The following WIZ variants were observed in gnomAD, a reference collection of about 807,000 sequenced individuals.
WIZ encodes the protein WIZ zinc finger.
WIZ carries 25 observed loss-of-function variants against 140.2 expected under a neutral mutation model. The ratio of observed to expected loss-of-function variants is 0.18; its 90% confidence interval spans 0.13 to 0.25. The LOEUF is 0.25. Among genes scored for constraint, WIZ ranks in the 10% least tolerant of loss-of-function variants. The pLI is 1.00. For missense variants in WIZ, 2,231 were observed against 2,632.6 expected (o/e 0.85, Z 3.34); for synonymous variants, 1,125 against 1,154.3 (o/e 0.97, Z 0.51).
rs1968999494 is a variant in WIZ, at chr19:15,428,435, C to G, written c.3489G>C (p.Leu1163=). The part of the protein sequence containing the change: ...CGAWFETRKG[L]SSHARAHLRH... ...GCAGGTGGGCACGGGCGTGGCTAGA[C>G]AGGCCCTTGCGGGTCTCAAACCAGG... The change falls in exon 8 of 13, where the codon CTG becomes CTC. Residue 1163 remains leucine (L), a synonymous_variant. Transcript: ENST00000673675. This position sits in a 1 kb window ranked among gnomAD's most constrained non-coding sequence, Gnocchi z 6.4. 6.5e-7 allele frequency: 1 copy of G among 1,535,554 alleles called. No individual in the cohort carries two copies. The highest frequency in any genetic ancestry group is 8.7e-7 in the Non-Finnish European group (1 of 1,146,836).
chr19:15,446,368 A>G (rs911876844), intron 2 of WIZ, among the ~76,000 whole-genome samples: 1 of 151,806 alleles, frequency 6.6e-6, no homozygotes, highest in African/African-American at 2.4e-5. Flanking sequence ...CTCCCACAAA[A>G]TCAAAGTCCC....
chr19:15,440,386 A>C lies in WIZ; in HGVS notation c.608T>G (p.Leu203Trp). 6.5e-7 allele frequency: 1 copy of C among 1,533,192 alleles called. No individual in the cohort carries two copies. Among genetic ancestry groups the C allele is most frequent in the South Asian group, 1.2e-5 (1 of 84,000 alleles). The allele number at this position is 1,533,192 out of a possible 1,614,324, so 95.0% of individuals were successfully genotyped here. ...QGSPQDAGLH[L>W]DLPAQPPPLA... ...GGGTGGCGGCTGGGCAGGCAGGTCCAAGTGCAGCCCTGCGTCCTGGGGGGA... is the reference window on the plus strand; with the variant it reads ...GGGTGGCGGCTGGGCAGGCAGGTCCCAGTGCAGCCCTGCGTCCTGGGGGGA... Residue 203 changes from leucine to tryptophan, a missense_variant, in exon 4 of 13, where the codon TTG (leucine) becomes TGG (tryptophan). Leu to Trp is a moderately conservative substitution (Grantham distance 61). This residue lies in a region of WIZ where 307 missense variants were observed against 294.1 expected (regional missense o/e 1.04). Transcript: ENST00000673675. This position sits in a 1 kb window ranked among gnomAD's most constrained non-coding sequence, Gnocchi z 6.2.
At position 15,424,582 on chromosome 19, in the gene WIZ, C is replaced by T. The variant is rs577854021; in HGVS notation, c.5314+31G>A. ...GGGTGGGCCTGACAGGTGCCCGCTG[C>T]GCTCCCGACCCTCCTCCACCAAGCA... On this transcript the variant is annotated intron_variant, in intron 11 of 12. Transcript: ENST00000673675. This position sits in a 1 kb window ranked among gnomAD's most constrained non-coding sequence, Gnocchi z 9.7. 1.2e-5 allele frequency: 19 copies of T among 1,561,334 alleles called. No individual in the cohort carries two copies. The highest frequency in any genetic ancestry group is 1.1e-4 in the African/African-American group (8 of 73,396).
At chr19:15,435,189 G>C (rs1412408484) in intron 5 of WIZ, among the ~76,000 whole-genome samples, 1 of 152,110 alleles carries the variant, frequency 6.6e-6, no homozygotes, top group Non-Finnish European at 1.5e-5. Flanking sequence ...CTGCACTCCA[G>C]CCTGGGCGAC....
In WIZ at chr19:15,431,066, T is replaced by G. The variant is rs1456931660; in HGVS notation, c.2857A>C (p.Lys953Gln). The change falls in exon 6 of 13, where the codon AAA (lysine) becomes CAA (glutamine). Residue 953 changes from lysine (K) to glutamine (Q), a missense_variant. Lys to Gln is a moderately conservative substitution (Grantham distance 53, BLOSUM62 1). This residue lies in a region of WIZ where 137 missense variants were observed against 135.8 expected (regional missense o/e 1.01). Coordinates refer to ENST00000673675, the MANE Select transcript of WIZ (RefSeq NM_001371589.1). ...LEQVASRLSS[K>Q]VAAEVPHGSK... ...CCATGAGGAACCTCTGCAGCCACTTTGCTGCTCAGCCGACTGGCCACCTGC... is the reference window on the plus strand; with the variant it reads ...CCATGAGGAACCTCTGCAGCCACTTGGCTGCTCAGCCGACTGGCCACCTGC... 1.2e-5 allele frequency: 19 copies of G among 1,535,852 alleles called. No individual in the cohort carries two copies. Among genetic ancestry groups the G allele is most frequent in the Non-Finnish European group, 1.7e-5 (19 of 1,146,840 alleles).
chr19:15,423,127 A>T lies in WIZ; in HGVS notation c.5619T>A (p.Pro1873=). The change falls in exon 13 of 13, where the codon CCT becomes CCA. Residue 1873 remains proline, a synonymous_variant. Coordinates refer to ENST00000673675, the MANE Select transcript of WIZ (RefSeq NM_001371589.1). ...EMNFSKADPP[P]EESQAPQAQT... Reference sequence around the variant, plus strand: ...GTGCCTGCGGGGCCTGGGACTCCTCAGGTGGGGGGTCCGCTTTGGAGAAGT... The same window carrying T: ...GTGCCTGCGGGGCCTGGGACTCCTCTGGTGGGGGGTCCGCTTTGGAGAAGT... 1 of 1,612,708 alleles carries T rather than the reference A, an allele frequency of 6.2e-7. No individual in the cohort carries two copies. The highest frequency in any genetic ancestry group is 8.5e-7 in the Non-Finnish European group (1 of 1,179,864).
At chr19:15,431,795 G>T (rs914150487) in intron 5 of WIZ, among the ~76,000 whole-genome samples, 2 of 152,234 alleles carry the variant, frequency 1.3e-5, no homozygotes, top group Non-Finnish European at 2.9e-5. Flanking sequence ...TGGAATCACA[G>T]AACTTTGTGT....
chr19:15,429,443 TG>T, intron 7 of WIZ, 142 bp downstream of exon 7: 2 of 950,424 alleles, frequency 2.1e-6, no homozygotes, highest in Non-Finnish European at 2.8e-6. Context: ...ACCAATACTC[TG>T]GCCTGGCTGG....
At chr19:15,448,947 C>T (rs971732287) in intron 1 of WIZ, among the ~76,000 whole-genome samples, 17 of 152,098 alleles carry the variant, frequency 1.1e-4, no homozygotes, top group African/African-American at 3.6e-4. Flanking sequence ...GCATTAACCC[C>T]TTCACCCCCC....
Position 15,439,611 on chromosome 19 carries a change from A to G in WIZ, c.1383T>C (p.Val461=). The G allele has an allele frequency of 6.8e-7, 1 of 1,479,906 alleles. No homozygotes were observed. Among genetic ancestry groups the G allele is most frequent in the Non-Finnish European group, 8.9e-7 (1 of 1,118,144 alleles). The allele number at this position is 1,479,906 out of a possible 1,614,324, so 91.7% of individuals were successfully genotyped here. ...ALLYQPYGAA[V]GLSACVFCGF... ...CACAGAAGACACAGGCGCTGAGGCCAACGGCAGCTCCGTAGGGCTGATAGA... is the reference window on the plus strand; with the variant it reads ...CACAGAAGACACAGGCGCTGAGGCCGACGGCAGCTCCGTAGGGCTGATAGA... The change falls in exon 4 of 13, where the codon GTT becomes GTC. Residue 461 remains valine, a synonymous_variant. Coordinates refer to ENST00000673675, the MANE Select transcript of WIZ (RefSeq NM_001371589.1). This position sits in a 1 kb window ranked among gnomAD's most constrained non-coding sequence, Gnocchi z 7.0.
In WIZ at chr19:15,424,325, C is replaced by T. The variant is rs769896015; in HGVS notation, c.5368G>A (p.Glu1790Lys). The T allele has an allele frequency of 3.7e-6, 6 of 1,604,508 alleles. No individual in the cohort carries two copies. In the Admixed American group the frequency reaches 5.2e-5, roughly 14 times the overall value. Residue 1790 changes from glutamate to lysine, a missense_variant, in exon 12 of 13, where the codon GAG (glutamate) becomes AAG (lysine). Transcript: ENST00000673675. This position sits in a 1 kb window ranked among gnomAD's most constrained non-coding sequence, Gnocchi z 9.7. The stretch of plus-strand genomic sequence containing the variant: ...TTCTGCTGTAGGTCATTGGTGTCCT[C>T]GCCTCCCCGGGCTGCGGAGGCATCT... The part of the protein sequence containing the change: ...PPDASAARGG[E>K]DTNDLQQKLE...
Position 15,424,014 on chromosome 19 carries a change from G to C in WIZ, c.5510+169C>G, listed in dbSNP as rs551969448. 1 of 563,752 alleles carries C rather than the reference G, an allele frequency of 1.8e-6. No individual in the cohort carries two copies. Among genetic ancestry groups the C allele is most frequent in the South Asian group, 3.5e-5 (1 of 28,362 alleles). 34.9% of individuals were successfully genotyped at this position (563,752 alleles called of 1,614,324 possible). A position where few individuals can be genotyped will look rare whatever the true frequency, so the allele number is the denominator to read the frequency against. On this transcript the variant is annotated intron_variant, in intron 12 of 12. Transcript: ENST00000673675. This position sits in a 1 kb window ranked among gnomAD's most constrained non-coding sequence, Gnocchi z 9.7. ...GAGTTGGGATTTGAACCCAGGTCTC[G>C]CAGGCTACAAAGCTCAGGGTGTCAG...
Position 15,438,799 on chromosome 19 carries a change from A to G in WIZ, c.2195T>C (p.Leu732Pro), listed in dbSNP as rs1414716104. The G allele has an allele frequency of 6.6e-7, 1 of 1,520,100 alleles. No individual in the cohort carries two copies. Among genetic ancestry groups the G allele is most frequent in the African/African-American group, 1.4e-5 (1 of 72,700 alleles). The allele number at this position is 1,520,100 out of a possible 1,614,324, so 94.2% of individuals were successfully genotyped here. Reference sequence around the variant, plus strand: ...CGGATCCCCATCCAGGAGTGTGTCCAGCCCCAGCGGGCCGCCCAGCGGCGC... The same window carrying G: ...CGGATCCCCATCCAGGAGTGTGTCCGGCCCCAGCGGGCCGCCCAGCGGCGC... ...LDAPLGGPLG[L>P]DTLLDGDPAM... The change falls in exon 4 of 13, where the codon CTG (leucine) becomes CCG (proline). Residue 732 changes from leucine (L) to proline (P), a missense_variant. This residue lies in a region of WIZ where 118 missense variants were observed against 209.1 expected (regional missense o/e 0.56). Coordinates refer to ENST00000673675, the MANE Select transcript of WIZ (RefSeq NM_001371589.1).
chr19:15,439,222 G>C lies in WIZ; in HGVS notation c.1772C>G (p.Ser591Cys), dbSNP rs1969635856. The C allele has an allele frequency of 2.6e-6, 4 of 1,535,642 alleles. No individual in the cohort carries two copies. Among genetic ancestry groups the C allele is most frequent in the Non-Finnish European group, 3.5e-6 (4 of 1,146,710 alleles). ...FPSTLASTPYSLQLGRNKSTV... is the reference protein window; with the variant it reads ...FPSTLASTPYCLQLGRNKSTV... Reference sequence around the variant, plus strand: ...GCTTTTGTTTCTCCCGAGCTGTAAGGAGTAGGGGGTGGATGCTAGTGTGGA... The same window carrying C: ...GCTTTTGTTTCTCCCGAGCTGTAAGCAGTAGGGGGTGGATGCTAGTGTGGA... The change falls in exon 4 of 13, where the codon TCC becomes TGC. Residue 591 changes from serine (S) to cysteine (C), a missense_variant. Physicochemically the swap from Ser to Cys is moderately radical, Grantham distance 112. Around this residue, in one of 15 missense-constraint regions of WIZ, gnomAD observed 475 missense variants for 520.2 expected, o/e 0.91. Coordinates refer to ENST00000673675, the MANE Select transcript of WIZ (RefSeq NM_001371589.1). This position sits in a 1 kb window ranked among gnomAD's most constrained non-coding sequence, Gnocchi z 7.0.
At position 15,438,972 on chromosome 19, in the gene WIZ, C is replaced by G; in HGVS notation, c.2022G>C (p.Gln674His). Residue 674 changes from glutamine to histidine, a missense_variant, in exon 4 of 13, where the codon CAG (glutamine) becomes CAC (histidine). Around this residue, in one of 15 missense-constraint regions of WIZ, gnomAD observed 475 missense variants for 520.2 expected, o/e 0.91. Transcript: ENST00000673675. ...ALQAVEATQGQQQQLRGMVPI... is the reference protein window; with the variant it reads ...ALQAVEATQGHQQQLRGMVPI... Reference sequence around the variant, plus strand: ...GTACCATCCCTCGGAGCTGCTGCTGCTGCCCCTGGGTGGCCTCTACTGCCT... The same window carrying G: ...GTACCATCCCTCGGAGCTGCTGCTGGTGCCCCTGGGTGGCCTCTACTGCCT... 1.4e-6 allele frequency: 2 copies of G among 1,455,850 alleles called. No homozygotes were observed. The highest frequency in any genetic ancestry group is 1.8e-6 in the Non-Finnish European group (2 of 1,107,424). The allele number at this position is 1,455,850 out of a possible 1,614,324, so 90.2% of individuals were successfully genotyped here.
chr19:15,434,956 C>A (rs939801708), intron 5 of WIZ, among the ~76,000 whole-genome samples: 15 of 152,078 alleles, frequency 9.9e-5, no homozygotes, highest in African/African-American at 3.4e-4. Context: ...ATGGCCGGTG[C>A]GGTGGCTCAC....
In WIZ at chr19:15,421,159, A is replaced by G. The variant is rs557125786; in HGVS notation, c.*1917T>C. The G allele has an allele frequency of 6.6e-6, 1 of 152,428 alleles. No individual in the cohort carries two copies. Among genetic ancestry groups the G allele is most frequent in the Non-Finnish European group, 1.5e-5 (1 of 68,072 alleles). 9.4% of individuals were successfully genotyped at this position (152,428 alleles called of 1,614,324 possible). On this transcript the variant is annotated 3_prime_UTR_variant, in exon 13 of 13. Coordinates refer to ENST00000673675, the MANE Select transcript of WIZ (RefSeq NM_001371589.1). ...ATAAAAACTGACTTATGAAAAGTTG[A>G]AAGAGGAAGAAACACCTTTGAGTCA...
In WIZ at chr19:15,422,947, A is replaced by G. The variant is rs1299918017; in HGVS notation, c.*129T>C. The G allele has an allele frequency of 1.1e-5, 15 of 1,370,734 alleles. No homozygotes were observed. Among genetic ancestry groups the G allele is most frequent in the South Asian group, 5.8e-5 (4 of 68,542 alleles). The allele number at this position is 1,370,734 out of a possible 1,614,324, so 84.9% of individuals were successfully genotyped here. ...CTGGCTGTAGTGTGCCCGGCCCCCA[A>G]GGGGCGCCGGTTTGAGGTTTTGGCT... On this transcript the variant is annotated 3_prime_UTR_variant, in exon 13 of 13. Coordinates refer to ENST00000673675, the MANE Select transcript of WIZ (RefSeq NM_001371589.1).
At chr19:15,432,465 C>A in intron 5 of WIZ, 1 of 979,176 alleles carries the variant, frequency 1.0e-6, no homozygotes, top group Non-Finnish European at 1.2e-6. Context: ...GCCCGGGCCC[C>A]GGCTCCGGCT....
Sources: gnomAD v4.1 joint callset for allele counts (sites outside exome capture counted in the v4.1 genomes callset) on GRCh38, gnomAD v4.1.1 for gene constraint, gnomAD v4.1.1 regional missense constraint, Gnocchi (gnomAD v3.1) non-coding constraint, MANE v1.5 for transcripts, NCBI Gene and HGNC (gene_info 2026-07-23, HGNC 2026-07-21) for gene names.